EFHC1: variants seen among roughly 807,000 people sequenced by gnomAD.
EFHC1 encodes EF-hand domain-containing protein 1.
Under a neutral mutation model 69.9 loss-of-function variants are expected in EFHC1, and 53 were observed. The observed-to-expected ratio is 0.76, with a 90% CI of 0.61 to 0.95. The LOEUF is 0.95. Among genes scored for constraint, EFHC1 ranks in the 40% least tolerant of loss-of-function variants. EFHC1 has a pLI of 0.00. For missense variants in EFHC1, 739 were observed against 798.7 expected (o/e 0.93, Z 0.90); for synonymous variants, 256 against 278.4 (o/e 0.92, Z 0.80).
rs1284142968 is a variant in EFHC1 at position 52,424,181 on chromosome 6, T to A, written c.285+14T>A. The A allele has an allele frequency of 6.2e-7, 1 of 1,612,134 alleles. No individual in the cohort carries two copies. The highest frequency in any genetic ancestry group is 1.3e-5 in the African/African-American group (1 of 74,974). Reference sequence around the variant, plus strand: ...TTTGACAAAAAGGTATCATCTGGAATTTTAGGGTACCCCTTGAATTAGGGT... The same window carrying A: ...TTTGACAAAAAGGTATCATCTGGAAATTTAGGGTACCCCTTGAATTAGGGT... On this transcript the variant is annotated intron_variant, in intron 2 of 10. Coordinates refer to ENST00000371068, the MANE Select transcript of EFHC1 (RefSeq NM_018100.4).
intron 2 of EFHC1, among the ~76,000 whole-genome samples, chr6:52,425,204 C>G (rs1764277442): frequency 6.6e-6 from 1 of 152,196 alleles, no homozygotes; most frequent in Non-Finnish European, 1.5e-5. Context: ...ATAGGCCGAA[C>G]CTAAACATCC....
chr6:52,436,037 TA>T (rs1433848200), intron 2 of EFHC1, among the ~76,000 whole-genome samples: 1 of 152,182 alleles, frequency 6.6e-6, no homozygotes, highest in Admixed American at 6.5e-5. Flanking sequence ...TCCTCCTTTA[TA>T]AAATAAGTGG....
chr6:52,490,388 C>G (rs778853232), intron 10 of EFHC1, 38 bp downstream of exon 10: 3 of 1,560,394 alleles, frequency 1.9e-6, no homozygotes, highest in Non-Finnish European at 2.7e-6. Flanking sequence ...ATTGCAGAGG[C>G]TAGGCACTGA....
At chr6:52,480,634 A>C (rs1164446028) in intron 9 of EFHC1, among the ~76,000 whole-genome samples, 1 of 152,190 alleles carries the variant, frequency 6.6e-6, no homozygotes, top group Non-Finnish European at 1.5e-5. Flanking sequence ...TTGTGAAGGT[A>C]GGTCAGGGTA....
chr6:52,482,824 C>A, intron 9 of EFHC1: 2 of 398,594 alleles, frequency 5.0e-6, no homozygotes, highest in Non-Finnish European at 8.8e-6. Context: ...CATCCAGATT[C>A]TCTTGAAAGG....
intron 3 of EFHC1, among the ~76,000 whole-genome samples, chr6:52,452,371 G>T (rs1342047615): frequency 6.6e-6 from 1 of 152,086 alleles, no homozygotes; most frequent in African/African-American, 2.4e-5. Flanking sequence ...CATGATCATG[G>T]CTCACTGCAG....
chr6:52,435,390 C>T (rs1459663741), intron 2 of EFHC1, among the ~76,000 whole-genome samples: 1 of 152,158 alleles, frequency 6.6e-6, no homozygotes, highest in African/African-American at 2.4e-5. Context: ...AAACCCAGTC[C>T]TGCAGTATAA....
At chr6:52,437,080 G>A (rs1581817999) in intron 2 of EFHC1, among the ~76,000 whole-genome samples, 1 of 152,140 alleles carries the variant, frequency 6.6e-6, no homozygotes, top group South Asian at 2.1e-4. Flanking sequence ...ATTTACACAC[G>A]TTTTAGAGAT....
rs187499687 is a variant in EFHC1, at chr6:52,441,938, G to A, written c.573+3347G>A. On this transcript the variant is annotated intron_variant, in intron 3 of 10. Transcript: ENST00000371068. ...GTGTATAGGAGTGCTAGTGATTTTT[G>A]TATGTTGATTTTGTGTCCTAAAATT... is the stretch of plus-strand genomic sequence containing the variant. Among the ~76,000 whole-genome samples, 25 of 152,196 alleles carry A rather than the reference G, an allele frequency of 1.6e-4. No homozygotes were observed. The East Asian group carries it at 4.4e-3, about 27-fold the overall frequency.
At position 52,469,390 on chromosome 6, in the gene EFHC1, G is replaced by C; in HGVS notation, c.1195G>C (p.Ala399Pro). ...GGAAGATTCTGCTCAGAATTGTTTT[G>C]CTCTCATTCCAAAAGCTCCAAAAAA... ...LVEDSAQNCF[A>P]LIPKAPKKDV... The change falls in exon 7 of 11, where the codon GCT becomes CCT. Residue 399 changes from alanine to proline, a missense_variant. Coordinates refer to ENST00000371068, the MANE Select transcript of EFHC1 (RefSeq NM_018100.4). 1.2e-6 allele frequency: 2 copies of C among 1,613,924 alleles called. No homozygotes were observed. Among genetic ancestry groups the C allele is most frequent in the Non-Finnish European group, 1.7e-6 (2 of 1,179,934 alleles).
chr6:52,439,961 A>G (rs1381793562), intron 3 of EFHC1, among the ~76,000 whole-genome samples: 1 of 152,134 alleles, frequency 6.6e-6, no homozygotes, highest in Non-Finnish European at 1.5e-5. Context: ...TGTATTAACA[A>G]TTATTTTTAC....
intron 2 of EFHC1, among the ~76,000 whole-genome samples, chr6:52,437,856 G>C (rs1019564939): frequency 1.3e-5 from 2 of 152,078 alleles, no homozygotes; most frequent in African/African-American, 4.8e-5. Flanking sequence ...TGAGGGTTAG[G>C]GGTTCAACAT....
rs569754478 is a variant in EFHC1 at position 52,480,950 on chromosome 6, A to T, written c.1640+1163A>T. 9.8e-5 allele frequency among the ~76,000 whole-genome samples: 15 copies of T among 152,298 alleles called. 1 individual carries two copies. The South Asian group carries it at 1.0e-3, about 11-fold the overall frequency. ...CTTTTTTCTCTGAATGAAATGAGCC[A>T]TTGGGAGCAGGGGCATCTGAATAGA... On this transcript the variant is annotated intron_variant, in intron 9 of 10. Transcript: ENST00000371068.
intron 2 of EFHC1, among the ~76,000 whole-genome samples, chr6:52,435,524 A>G (rs1163011551): frequency 6.6e-6 from 1 of 152,254 alleles, no homozygotes; most frequent in East Asian, 1.9e-4. Flanking sequence ...GATCACCACT[A>G]TATCGCCAGC....
intron 3 of EFHC1, among the ~76,000 whole-genome samples, chr6:52,443,915 C>T (rs1764722512): frequency 6.6e-6 from 1 of 152,192 alleles, no homozygotes; most frequent in Non-Finnish European, 1.5e-5. Context: ...TCTTCCTACC[C>T]ATGAGTATGG....
intron 2 of EFHC1, among the ~76,000 whole-genome samples, chr6:52,434,656 C>T (rs1043862469): frequency 5.3e-5 from 8 of 152,176 alleles, no homozygotes; most frequent in African/African-American, 1.9e-4. Context: ...AGCCTTCACA[C>T]GCTGCTCTGC....
At chr6:52,474,579 T>A (rs1216055442) in intron 7 of EFHC1, among the ~76,000 whole-genome samples, 2 of 152,190 alleles carry the variant, frequency 1.3e-5, no homozygotes, top group Non-Finnish European at 1.5e-5. Flanking sequence ...TAATTCATAA[T>A]AGCAAAAATA....
At chr6:52,486,931 C>T (rs1258011019) in intron 9 of EFHC1, 1 of 151,984 alleles carries the variant, frequency 6.6e-6, no homozygotes, top group Non-Finnish European at 1.5e-5. Context: ...GAGCTTATAC[C>T]ATATACCAAA....
intron 7 of EFHC1, among the ~76,000 whole-genome samples, chr6:52,470,457 T>C (rs972381357): frequency 6.6e-6 from 1 of 152,244 alleles, no homozygotes; most frequent in African/African-American, 2.4e-5. Flanking sequence ...CATGTCCTTC[T>C]AGACTTTGTA....
Sources: gnomAD v4.1 joint callset for allele counts (sites outside exome capture counted in the v4.1 genomes callset) on GRCh38, gnomAD v4.1.1 for gene constraint, MANE v1.5 for transcripts, NCBI Gene and HGNC (gene_info 2026-07-23, HGNC 2026-07-21) for gene names.